Variants in MAP2K4 observed in about 807,000 individuals in gnomAD.
The protein encoded by MAP2K4 is mitogen-activated protein kinase kinase 4.
MAP2K4 carries 4 observed loss-of-function variants against 48.5 expected under a neutral mutation model. That is an observed-to-expected ratio of 0.08 (90% CI 0.04 to 0.19). MAP2K4 has a LOEUF of 0.19. MAP2K4 is among the 10% of genes least tolerant of loss of function. The pLI is 1.00. For missense variants in MAP2K4, 258 were observed against 493.3 expected, an observed-to-expected ratio of 0.52 and a Z score of 4.52; for synonymous variants, 166 against 173.1, an observed-to-expected ratio of 0.96 and a Z score of 0.32.
chr17:12,093,896 A>T (rs1971644985), intron 3 of MAP2K4, among the ~76,000 whole-genome samples: 2 of 152,198 alleles, frequency 1.3e-5, no homozygotes, highest in African/African-American at 4.8e-5. Context: ...AAACAGGTAT[A>T]AAGGTAGAAT....
chr17:12,079,861 A>G (rs533238050), intron 2 of MAP2K4, among the ~76,000 whole-genome samples: 9 of 152,284 alleles, frequency 5.9e-5, no homozygotes, highest in Admixed American at 2.6e-4. Context: ...ATCTTAAAAG[A>G]TCAGTTCCAG....
chr17:12,079,634 A>G (rs964901095), intron 2 of MAP2K4, among the ~76,000 whole-genome samples: 69 of 152,214 alleles, frequency 4.5e-4, no homozygotes, highest in African/African-American at 1.6e-3. Flanking sequence ...AGTAATTTTA[A>G]TTAACTTTTT....
At chr17:12,039,747 A>G (rs1969716645) in intron 1 of MAP2K4, among the ~76,000 whole-genome samples, 2 of 152,164 alleles carry the variant, frequency 1.3e-5, no homozygotes, top group Admixed American at 1.3e-4. Context: ...TCAGCAAGGT[A>G]TGTGCACACA....
intron 4 of MAP2K4, among the ~76,000 whole-genome samples, chr17:12,097,305 C>G (rs536164563): frequency 6.6e-6 from 1 of 152,316 alleles, no homozygotes; most frequent in African/African-American, 2.4e-5. Context: ...TATAGACTTT[C>G]CCCAGCTCTG....
chr17:12,026,475 A>G (rs956380370), intron 1 of MAP2K4, among the ~76,000 whole-genome samples: 1 of 152,238 alleles, frequency 6.6e-6, no homozygotes, highest in Admixed American at 6.5e-5. Context: ...AGGGAAAGTA[A>G]CAGTTAACAA....
intron 9 of MAP2K4, among the ~76,000 whole-genome samples, chr17:12,131,048 C>A (rs1442358366): frequency 6.6e-6 from 1 of 151,766 alleles, no homozygotes; most frequent in African/African-American, 2.4e-5. Flanking sequence ...TCCAAAGGGC[C>A]ATAGAATATA....
chr17:12,054,861 CTT>C (rs753207601), intron 1 of MAP2K4, 26 bp from the exon 2 acceptor site: 13 of 1,493,320 alleles, frequency 8.7e-6, no homozygotes, highest in Non-Finnish European at 1.2e-5. Context: ...GTACTTGAAA[CTT>C]TTACTTTTTA....
chr17:12,089,264 G>T (rs1250091347), intron 3 of MAP2K4, among the ~76,000 whole-genome samples: 2 of 152,056 alleles, frequency 1.3e-5, no homozygotes, highest in African/African-American at 2.4e-5. Context: ...CTTATGTAGG[G>T]GAACAAGCCC....
chr17:12,098,131 G>A (rs1225382965), intron 4 of MAP2K4, among the ~76,000 whole-genome samples: 2 of 152,188 alleles, frequency 1.3e-5, no homozygotes, highest in Middle Eastern at 3.4e-3. Flanking sequence ...ACTTTTATTA[G>A]TCACCTTTAA....
chr17:12,020,952 C>T lies in MAP2K4; in HGVS notation c.66C>T (p.Gly22=). ...GCGGCAGCGGCAGCGGCACCCCCGG[C>T]CCCGTAGGGTCCCCGGCGCCAGGCC... is the stretch of plus-strand genomic sequence containing the variant. ...SGGGSGSGTP[G]PVGSPAPGHP... is the part of the protein sequence containing the mutation. The change falls in exon 1 of 11, where the codon GGC becomes GGT. Residue 22 remains glycine (G), a synonymous_variant. Coordinates refer to ENST00000353533, the MANE Select transcript of MAP2K4 (RefSeq NM_003010.4). 1.6e-6 allele frequency: 2 copies of T among 1,217,006 alleles called. No homozygotes were observed. 75.4% of individuals were successfully genotyped at this position (1,217,006 alleles called of 1,614,324 possible).
chr17:12,094,084 G>A (rs117563699), intron 3 of MAP2K4, among the ~76,000 whole-genome samples: 131 of 152,154 alleles, frequency 8.6e-4, no homozygotes, highest in South Asian at 1.7e-3. Flanking sequence ...TTTCCTTAAC[G>A]TTAATAGAAC....
At chr17:12,119,702 T>C (rs1228021465) in intron 7 of MAP2K4, among the ~76,000 whole-genome samples, 1 of 152,188 alleles carries the variant, frequency 6.6e-6, no homozygotes, top group Non-Finnish European at 1.5e-5. Context: ...CATATGTTCA[T>C]TGCAGCACTA....
At chr17:12,120,633 A>C (rs1972659519) in intron 7 of MAP2K4, among the ~76,000 whole-genome samples, 1 of 150,768 alleles carries the variant, frequency 6.6e-6, no homozygotes, top group Non-Finnish European at 1.5e-5. Flanking sequence ...AGAAGAAATC[A>C]TGTCAGTTTA....
chr17:12,110,266 C>A, intron 5 of MAP2K4, 109 bp from the exon 6 acceptor site: 1 of 732,846 alleles, frequency 1.4e-6, no homozygotes, highest in Non-Finnish European at 2.4e-6. Flanking sequence ...AAATATTAAG[C>A]TTAAAATGTA....
chr17:12,069,667 C>T (rs1970724421), intron 2 of MAP2K4: 2 of 1,003,116 alleles, frequency 2.0e-6, no homozygotes, highest in Non-Finnish European at 2.4e-6. Flanking sequence ...TAGATCACAG[C>T]AAAGATACTC....
intron 4 of MAP2K4, among the ~76,000 whole-genome samples, chr17:12,105,526 T>A (rs961070553): frequency 5.3e-5 from 8 of 152,128 alleles, no homozygotes; most frequent in Admixed American, 5.2e-4. Flanking sequence ...AGTTGAGTTG[T>A]TCATCATTCT....
chr17:12,096,720 G>C (rs1410711396), intron 4 of MAP2K4, among the ~76,000 whole-genome samples: 1 of 152,142 alleles, frequency 6.6e-6, no homozygotes, highest in African/African-American at 2.4e-5. Context: ...AAACAGGGCT[G>C]AATGTAGCAC....
intron 9 of MAP2K4, among the ~76,000 whole-genome samples, chr17:12,131,150 C>A (rs533000081): frequency 6.6e-6 from 1 of 151,690 alleles, no homozygotes; most frequent in South Asian, 2.1e-4. Context: ...TCTATAGAGA[C>A]TTCCTCTTGT....
chr17:12,023,372 A>G (rs914332454), intron 1 of MAP2K4, among the ~76,000 whole-genome samples: 1 of 152,144 alleles, frequency 6.6e-6, no homozygotes, highest in East Asian at 1.9e-4. Flanking sequence ...ATTGTATGGG[A>G]GTCACACCTC....
Sources: gnomAD v4.1 joint callset for allele counts (sites outside exome capture counted in the v4.1 genomes callset) on GRCh38, gnomAD v4.1.1 for gene constraint, MANE v1.5 for transcripts, NCBI Gene and HGNC (gene_info 2026-07-23, HGNC 2026-07-21) for gene names.